Variants in LAMA2 observed in about 807,000 individuals in gnomAD.
LAMA2 encodes the protein laminin subunit alpha 2.
Under a neutral mutation model 364.8 loss-of-function variants are expected in LAMA2, and 269 were observed. The ratio of observed to expected loss-of-function variants is 0.74; its 90% CI spans 0.67 to 0.82. The LOEUF (loss-of-function observed/expected upper bound fraction) is 0.82, where lower values mean the gene tolerates loss of function less well. Ranked by LOEUF, LAMA2 falls within the 40% of genes least tolerant of loss-of-function variation. The pLI is 0.00. For synonymous variants in LAMA2, 1,379 were observed against 1,370.6 expected, an observed-to-expected ratio of 1.01 and a Z score of -0.14; for missense variants, 3,807 against 3,873.2, an observed-to-expected ratio of 0.98 and a Z score of 0.45.
intron 29 of LAMA2, among the ~76,000 whole-genome samples, chr6:129,329,457 G>A (rs1775495841): frequency 6.6e-6 from 1 of 152,112 alleles, no homozygotes; most frequent in Non-Finnish European, 1.5e-5. Context: ...CGACTCCCGG[G>A]TTCAAGTGAT....
intron 55 of LAMA2, among the ~76,000 whole-genome samples, chr6:129,485,225 A>ACTACCTAC (rs1234600406): frequency 1.1e-4 from 16 of 152,198 alleles, no homozygotes. Flanking sequence ...ATATTTAAAC[A>ACTACCTAC]CTACCTACTG....
intron 18 of LAMA2, among the ~76,000 whole-genome samples, chr6:129,285,430 C>G (rs971962297): frequency 1.3e-5 from 2 of 151,996 alleles, no homozygotes; most frequent in African/African-American, 2.4e-5. Flanking sequence ...TAGTTATTTT[C>G]CTCCTGAAAT....
intron 47 of LAMA2, 87 bp downstream of exon 47, chr6:129,454,375 T>G: frequency 9.4e-7 from 1 of 1,065,796 alleles, no homozygotes; most frequent in South Asian, 1.3e-5. Flanking sequence ...TATTTCCATT[T>G]CAATAAGGTA....
At chr6:129,339,691 A>T (rs1776148463) in intron 29 of LAMA2, among the ~76,000 whole-genome samples, 2 of 152,186 alleles carry the variant, frequency 1.3e-5, no homozygotes. Context: ...TAGGAGAAAC[A>T]TCAACTGGCT....
intron 40 of LAMA2, among the ~76,000 whole-genome samples, chr6:129,418,937 A>G (rs1780934176): frequency 6.6e-6 from 1 of 152,146 alleles, no homozygotes; most frequent in African/African-American, 2.4e-5. Flanking sequence ...ATAAGTATAC[A>G]TTGTGGAATG....
chr6:129,453,039 G>A lies in LAMA2; in HGVS notation c.6481G>A (p.Glu2161Lys). 6.2e-7 allele frequency: 1 copy of A among 1,612,724 alleles called. No homozygotes were observed. Among genetic ancestry groups the A allele is most frequent in the Non-Finnish European group, 8.5e-7 (1 of 1,179,180 alleles). The change falls in exon 46 of 65, where the codon GAA (glutamate) becomes AAA (lysine). Residue 2161 changes from glutamate to lysine, a missense_variant. Physicochemically the swap from Glu to Lys is moderately conservative, Grantham distance 56 (BLOSUM62 1). This residue lies in a region of LAMA2 where 3,333 missense variants were observed against 3,345.7 expected (regional missense o/e 1.00). Transcript: ENST00000421865. ...GGDCIRTYKP[E>K]IKKGSYNNIV... ...TGACTGCATTCGAACATACAAACCA[G>A]AAATCAAGAAAGGAAGTTACAATAA...
chr6:129,059,600 A>T (rs758335956), intron 2 of LAMA2, among the ~76,000 whole-genome samples, 184 bp from the exon 3 acceptor site: 1 of 152,188 alleles, frequency 6.6e-6, no homozygotes, highest in Non-Finnish European at 1.5e-5. Flanking sequence ...GTATGGTGCT[A>T]TGAGACAGCT....
chr6:129,092,156 C>A (rs892073405), intron 3 of LAMA2, among the ~76,000 whole-genome samples: 2 of 152,232 alleles, frequency 1.3e-5, no homozygotes, highest in Non-Finnish European at 2.9e-5. Flanking sequence ...GACCTCCGCT[C>A]TCCTTCCTCA....
intron 12 of LAMA2, among the ~76,000 whole-genome samples, chr6:129,242,505 G>C (rs543621006): frequency 6.6e-6 from 1 of 151,932 alleles, no homozygotes; most frequent in Admixed American, 6.6e-5. Flanking sequence ...TCTTGGCAGA[G>C]ACCTTGAAAA....
chr6:129,491,553 T>C (rs1201639494), intron 56 of LAMA2, among the ~76,000 whole-genome samples: 2 of 152,222 alleles, frequency 1.3e-5, no homozygotes, highest in Non-Finnish European at 1.5e-5. Context: ...CATGCTTTGC[T>C]AAACCTGCCA....
chr6:129,146,370 A>G (rs1330611912), intron 5 of LAMA2, among the ~76,000 whole-genome samples: 1 of 152,044 alleles, frequency 6.6e-6, no homozygotes, highest in Non-Finnish European at 1.5e-5. Context: ...TTAACTTCAT[A>G]TACAAAGGTA....
intron 3 of LAMA2, among the ~76,000 whole-genome samples, chr6:129,066,047 T>TTTTTTTTTTTTTTTTTTTTTC (rs71028144): frequency 1.2e-5 from 1 of 81,860 alleles, no homozygotes; most frequent in East Asian, 4.6e-4. Flanking sequence ...GGTTTTTTTT[T>TTTTTTTTTTTTTTTTTTTTTC]TTTTTTTTTT....
intron 22 of LAMA2, among the ~76,000 whole-genome samples, chr6:129,306,761 T>C (rs1276765352): frequency 1.3e-5 from 2 of 152,136 alleles, no homozygotes; most frequent in African/African-American, 4.8e-5. Flanking sequence ...TGAGTCTATT[T>C]TTTATTTTAA....
intron 1 of LAMA2, among the ~76,000 whole-genome samples, chr6:128,888,712 G>T (rs957412667): frequency 8.5e-5 from 13 of 152,202 alleles, no homozygotes. Context: ...AAGGCTCAGA[G>T]GAGAAATGGG....
At chr6:128,974,430 A>G (rs544381165) in intron 1 of LAMA2, among the ~76,000 whole-genome samples, 1 of 152,350 alleles carries the variant, frequency 6.6e-6, no homozygotes, top group African/African-American at 2.4e-5. Context: ...GCCAGGAGAT[A>G]GACTGAGCTG....
At chr6:128,915,795 G>A in intron 1 of LAMA2, among the ~76,000 whole-genome samples, 1 of 152,132 alleles carries the variant, frequency 6.6e-6, no homozygotes, top group East Asian at 1.9e-4. Context: ...GAACCTGTAA[G>A]GCTACAGTAT....
At chr6:129,468,327 G>T (rs1783646084) in intron 51 of LAMA2, among the ~76,000 whole-genome samples, 2 of 151,504 alleles carry the variant, frequency 1.3e-5, no homozygotes, top group South Asian at 2.1e-4. Context: ...ATTATCTCTG[G>T]TGTCTCACCA....
At position 129,071,965 on chromosome 6, in the gene LAMA2, CAAACA is replaced by C. The variant is rs367979054; in HGVS notation, c.396+12094_396+12098del. On this transcript the variant is annotated intron_variant, in intron 3 of 64. Transcript: ENST00000421865. ...CAACGTGGTGAAACCTCATCTCTAC[CAAACA>C]AAACAAAACAAAACAAAACAAAACC... Among the ~76,000 whole-genome samples, 1,031 of 151,974 alleles carry C rather than the reference CAAACA, an allele frequency of 6.8e-3. 7 individuals carry two copies. The highest frequency in any genetic ancestry group is 0.023 in the African/African-American group (962 of 41,448).
At chr6:129,338,520 A>T in intron 29 of LAMA2, among the ~76,000 whole-genome samples, 1 of 152,190 alleles carries the variant, frequency 6.6e-6, no homozygotes, top group Non-Finnish European at 1.5e-5. Flanking sequence ...GGATTATGGC[A>T]CTTAAATCAA....
Sources: gnomAD v4.1 joint callset for allele counts (sites outside exome capture counted in the v4.1 genomes callset) on GRCh38, gnomAD v4.1.1 for gene constraint, gnomAD v4.1.1 regional missense constraint, MANE v1.5 for transcripts, NCBI Gene and HGNC (gene_info 2026-07-23, HGNC 2026-07-21) for gene names.